The following TMEM132C variants were observed in gnomAD, a reference collection of about 807,000 sequenced individuals.
TMEM132C encodes the protein protein phosphatase 1, regulatory subunit 152.
A neutral mutation model predicts 61.4 loss-of-function variants in TMEM132C; 29 were observed. That is an observed-to-expected ratio of 0.47 (90% CI 0.35 to 0.64). The LOEUF is 0.64. TMEM132C is among the 30% of genes least tolerant of loss of function. TMEM132C has a pLI of 0.00. For missense variants in TMEM132C, 1,408 were observed against 1,476.9 expected (o/e 0.95, Z 0.76); for synonymous variants, 656 against 633.1 (o/e 1.04, Z -0.54).
chr12:128,539,511 G>A (rs967415943), intron 2 of TMEM132C, among the ~76,000 whole-genome samples: 8 of 152,234 alleles, frequency 5.3e-5, no homozygotes, highest in Non-Finnish European at 7.4e-5. Flanking sequence ...CCAGCTACCC[G>A]GGAGGCTGAG....
rs938650942 is a variant in TMEM132C, at chr12:128,544,096, C to T, written c.1114C>T (p.Arg372Cys). 4 of 1,534,558 alleles carry T rather than the reference C, an allele frequency of 2.6e-6. No individual in the cohort carries two copies. Among genetic ancestry groups the T allele is most frequent in the African/African-American group, 2.8e-5 (2 of 72,390 alleles). The change falls in exon 3 of 9, where the codon CGC becomes TGC. Residue 372 changes from arginine (R) to cysteine (C), a missense_variant. Arg to Cys is a radical substitution (Grantham distance 180). Transcript: ENST00000435159. ...VACQRLGPSP[R>C]NRSSSLFNEV... The stretch of plus-strand genomic sequence containing the variant: ...CTGCCAGCGCCTGGGGCCCAGCCCA[C>T]GCAACAGGTAAGCGGTGCCCTCCCT...
chr12:128,702,534 G>GT (rs1304388535), intron 8 of TMEM132C, among the ~76,000 whole-genome samples: 4 of 152,052 alleles, frequency 2.6e-5, no homozygotes, highest in African/African-American at 9.7e-5. Context: ...ACCACTCCCG[G>GT]TGCAGCCTTG....
intron 1 of TMEM132C, among the ~76,000 whole-genome samples, chr12:128,317,852 C>A: frequency 6.6e-6 from 1 of 152,106 alleles, no homozygotes; most frequent in Non-Finnish European, 1.5e-5. Flanking sequence ...GCAGTGGGAT[C>A]ACTCCACTGT....
At chr12:128,652,641 C>T (rs1398386179) in intron 4 of TMEM132C, among the ~76,000 whole-genome samples, 6 of 152,240 alleles carry the variant, frequency 3.9e-5, no homozygotes, top group Admixed American at 1.3e-4. Flanking sequence ...GACAGGAGGC[C>T]TGCCTGGTGG....
At position 128,442,110 on chromosome 12, in the gene TMEM132C, C is replaced by CCT. The variant is rs1468619032; in HGVS notation, c.974+26492_974+26493dup. 8.5e-5 allele frequency among the ~76,000 whole-genome samples: 13 copies of CCT among 152,320 alleles called. No homozygotes were observed. The East Asian group carries it at 1.3e-3, about 16-fold the overall frequency. ...GTTCTGAGGAGTCATGCCTCCTGGGCCTCAGTCTTTTCTTCTGTGAAAAAG... is the reference window on the plus strand; with the variant it reads ...GTTCTGAGGAGTCATGCCTCCTGGGCCTCTCAGTCTTTTCTTCTGTGAAAAAG... On this transcript the variant is annotated intron_variant, in intron 2 of 8. Transcript: ENST00000435159.
chr12:128,499,456 T>G (rs559432338), intron 2 of TMEM132C, among the ~76,000 whole-genome samples: 10 of 152,298 alleles, frequency 6.6e-5, no homozygotes, highest in Admixed American at 2.0e-4. Context: ...TATAATAAAC[T>G]GTTGTTAACT....
At chr12:128,520,229 TC>T (rs1872855482) in intron 2 of TMEM132C, among the ~76,000 whole-genome samples, 1 of 152,228 alleles carries the variant, frequency 6.6e-6, no homozygotes, top group Non-Finnish European at 1.5e-5. Context: ...CGCTCAGCAG[TC>T]CACGTATCAC....
intron 6 of TMEM132C, among the ~76,000 whole-genome samples, chr12:128,694,346 T>G (rs951447981): frequency 3.9e-5 from 6 of 152,212 alleles, no homozygotes; most frequent in Admixed American, 3.3e-4. Context: ...TTTGGTTTAT[T>G]TTCTCCAAAA....
intron 1 of TMEM132C, among the ~76,000 whole-genome samples, chr12:128,389,308 G>C (rs1874690659): frequency 6.6e-6 from 1 of 152,170 alleles, no homozygotes; most frequent in East Asian, 1.9e-4. Flanking sequence ...AAAAAACAAA[G>C]ATCATTTTGG....
At chr12:128,357,135 T>C (rs1873531954) in intron 1 of TMEM132C, among the ~76,000 whole-genome samples, 1 of 152,120 alleles carries the variant, frequency 6.6e-6, no homozygotes, top group South Asian at 2.1e-4. Context: ...ACGTGTCCAA[T>C]TTGAATATAT....
At chr12:128,427,632 C>A (rs1228870595) in intron 2 of TMEM132C, among the ~76,000 whole-genome samples, 1 of 152,062 alleles carries the variant, frequency 6.6e-6, no homozygotes, top group East Asian at 1.9e-4. Flanking sequence ...TCTCGATACT[C>A]CATCCAGCTA....
chr12:128,628,580 T>G (rs1954039650), intron 4 of TMEM132C, among the ~76,000 whole-genome samples: 1 of 152,204 alleles, frequency 6.6e-6, no homozygotes, highest in Non-Finnish European at 1.5e-5. Context: ...ATTCATTATC[T>G]GAATTTCCCC....
chr12:128,566,658 G>A (rs890881007), intron 3 of TMEM132C, among the ~76,000 whole-genome samples: 1 of 152,188 alleles, frequency 6.6e-6, no homozygotes, highest in Admixed American at 6.5e-5. Flanking sequence ...TGATCTCTTT[G>A]ATTGAATCTT....
chr12:128,529,002 C>T (rs1003119458), intron 2 of TMEM132C, among the ~76,000 whole-genome samples: 6 of 152,318 alleles, frequency 3.9e-5, no homozygotes, highest in African/African-American at 1.4e-4. Context: ...CAGAATGGTG[C>T]ATCTCACAGT....
chr12:128,496,388 A>G (rs1196402976), intron 2 of TMEM132C, among the ~76,000 whole-genome samples: 3 of 152,116 alleles, frequency 2.0e-5, no homozygotes, highest in African/African-American at 4.8e-5. Flanking sequence ...CTGCCTTACT[A>G]GATTGGGGAA....
chr12:128,280,693 G>A (rs1209354893), intron 1 of TMEM132C, among the ~76,000 whole-genome samples: 6 of 152,152 alleles, frequency 3.9e-5, no homozygotes, highest in Non-Finnish European at 1.5e-5. Context: ...TACTCGGCCT[G>A]TTATACTGTT....
At chr12:128,682,883 C>T (rs1050511429) in intron 5 of TMEM132C, among the ~76,000 whole-genome samples, 2 of 152,210 alleles carry the variant, frequency 1.3e-5, no homozygotes, top group African/African-American at 4.8e-5. Flanking sequence ...CGGCTGCTGG[C>T]GGACACCTTG....
intron 3 of TMEM132C, among the ~76,000 whole-genome samples, chr12:128,560,176 G>A (rs968363412): frequency 6.6e-6 from 1 of 152,232 alleles, no homozygotes; most frequent in African/African-American, 2.4e-5. Flanking sequence ...CAGCCCAGGC[G>A]ACAGAAGCTG....
chr12:128,379,706 C>T (rs1874340827), intron 1 of TMEM132C, among the ~76,000 whole-genome samples: 1 of 152,190 alleles, frequency 6.6e-6, no homozygotes, highest in African/African-American at 2.4e-5. Context: ...ATCCAGAATG[C>T]TCTCATCTCA....
Sources: gnomAD v4.1 joint callset for allele counts (sites outside exome capture counted in the v4.1 genomes callset) on GRCh38, gnomAD v4.1.1 for gene constraint, MANE v1.5 for transcripts, NCBI Gene and HGNC (gene_info 2026-07-23, HGNC 2026-07-21) for gene names.